ABHD2: variants seen among roughly 807,000 people sequenced by gnomAD.
ABHD2 encodes the protein monoacylglycerol lipase ABHD2.
In ABHD2, 20 loss-of-function variants were observed where a neutral mutation model predicts 48.1. The ratio of observed to expected loss-of-function variants is 0.42; its 90% CI spans 0.29 to 0.60. The LOEUF (loss-of-function observed/expected upper bound fraction) is 0.60, where lower values mean the gene tolerates loss of function less well. Among genes scored for constraint, ABHD2 ranks in the 20% least tolerant of loss-of-function variants. ABHD2 has a pLI of 0.24. For missense variants in ABHD2, 405 were observed against 550.9 expected (o/e 0.74, Z 2.65); for synonymous variants, 209 against 214.2 (o/e 0.98, Z 0.21).
At chr15:89,126,227 C>G (rs1248691047) in intron 3 of ABHD2, among the ~76,000 whole-genome samples, 1 of 152,186 alleles carries the variant, frequency 6.6e-6, no homozygotes, top group Non-Finnish European at 1.5e-5. Flanking sequence ...GGCCTTGGCT[C>G]CACGTGTAAG....
intron 5 of ABHD2, among the ~76,000 whole-genome samples, chr15:89,170,817 A>C (rs1205851340): frequency 6.6e-6 from 1 of 152,152 alleles, no homozygotes; most frequent in Non-Finnish European, 1.5e-5. Flanking sequence ...TTCGAGCTGC[A>C]CTTTTAAAAG....
At chr15:89,069,909 G>T in the ABHD2 span, among the ~76,000 whole-genome samples, 2 of 151,850 alleles carry the variant, frequency 1.3e-5, no homozygotes, top group African/African-American at 4.8e-5. Context: ...TGAACTCCTG[G>T]CCTCAAGTGA....
At chr15:89,192,179 G>A (rs1266789720) in intron 9 of ABHD2, among the ~76,000 whole-genome samples, 6 of 152,170 alleles carry the variant, frequency 3.9e-5, no homozygotes, top group Non-Finnish European at 8.8e-5. Flanking sequence ...GGCTAAAGCA[G>A]ATCACTGGAA....
rs956707952 is a variant in ABHD2 at position 89,146,474 on chromosome 15, C to G, written c.195-5203C>G. Among the ~76,000 whole-genome samples, 5 of 151,062 alleles carry G rather than the reference C, an allele frequency of 3.3e-5. No homozygotes were observed. Among genetic ancestry groups the G allele is most frequent in the African/African-American group, 4.9e-5 (2 of 41,084 alleles). On this transcript the variant is annotated intron_variant, in intron 3 of 10. Coordinates refer to ENST00000352732, the MANE Select transcript of ABHD2 (RefSeq NM_152924.5). This position sits in a 1 kb window ranked among gnomAD's most constrained non-coding sequence, Gnocchi z 4.2. ...CCCACTGACCAATTCTCTTAGTAAG[C>G]CAGATGTCGATTATAAATAGGCTCA...
Position 89,166,983 on chromosome 15 carries a change from C to T in ABHD2, c.539-8829C>T, listed in dbSNP as rs765194266. Among the ~76,000 whole-genome samples, 16 of 152,086 alleles carry T rather than the reference C, an allele frequency of 1.1e-4. No homozygotes were observed. The highest frequency in any genetic ancestry group is 3.6e-4 in the African/African-American group (15 of 41,384). ...GAGTAAAAAGGGACTTTATTAATAA[C>T]GTTATAATAATTCATAACTTTATTA... On this transcript the variant is annotated intron_variant, in intron 5 of 10. Transcript: ENST00000352732. This position sits in a 1 kb window ranked among gnomAD's most constrained non-coding sequence, Gnocchi z 4.6.
chr15:89,155,678 T>A lies in ABHD2; in HGVS notation c.538+144T>A. ...TCACACGGTTATATCAACAGCCAAC[T>A]TGTACTGGGCATTGATGATGCCATG... On this transcript the variant is annotated intron_variant, in intron 5 of 10. Coordinates refer to ENST00000352732, the MANE Select transcript of ABHD2 (RefSeq NM_152924.5). This position sits in a 1 kb window ranked among gnomAD's most constrained non-coding sequence, Gnocchi z 4.9. The A allele has an allele frequency of 9.7e-7, 1 of 1,036,076 alleles. No homozygotes were observed. Among genetic ancestry groups the A allele is most frequent in the Non-Finnish European group, 1.4e-6 (1 of 724,688 alleles). 64.2% of individuals were successfully genotyped at this position (1,036,076 alleles called of 1,614,324 possible). A position where few individuals can be genotyped will look rare whatever the true frequency, so the allele number is the denominator to read the frequency against.
chr15:89,046,053 T>C, the ABHD2 span, among the ~76,000 whole-genome samples: 1 of 152,226 alleles, frequency 6.6e-6, no homozygotes, highest in East Asian at 1.9e-4. Context: ...TAGCTCTTAT[T>C]ATTTTGAAAT....
rs1458119801 is a variant in ABHD2, at chr15:89,094,268, G to C, written c.-107+5705G>C. On this transcript the variant is annotated intron_variant, in intron 1 of 10. Transcript: ENST00000352732. This position sits in a 1 kb window ranked among gnomAD's most constrained non-coding sequence, Gnocchi z 4.7. Reference sequence around the variant, plus strand: ...GCCTCTCATTTTATCTTGGATAAAAGAGAAGCTTTGAAAGATTGCCTCCCT... The same window carrying C: ...GCCTCTCATTTTATCTTGGATAAAACAGAAGCTTTGAAAGATTGCCTCCCT... The C allele has an allele frequency of 6.6e-6, 1 of 152,176 alleles. No individual in the cohort carries two copies. Among genetic ancestry groups the C allele is most frequent in the African/African-American group, 2.4e-5 (1 of 41,430 alleles). The allele number at this position is 152,176 out of a possible 1,614,324, so 9.4% of individuals were successfully genotyped here. A position where few individuals can be genotyped will look rare whatever the true frequency, so the allele number is the denominator to read the frequency against.
intron 10 of ABHD2, among the ~76,000 whole-genome samples, chr15:89,194,108 TA>T (rs1390332283): frequency 1.3e-5 from 2 of 151,826 alleles, no homozygotes; most frequent in African/African-American, 2.4e-5. Flanking sequence ...AAATAAATAG[TA>T]AAAAATAAAA....
chr15:89,193,820 C>T (rs533320847), intron 10 of ABHD2, among the ~76,000 whole-genome samples: 143 of 151,458 alleles, frequency 9.4e-4, no homozygotes, highest in Non-Finnish European at 1.9e-3. Context: ...CATGGGGAGG[C>T]TGAGGCAGGA....
Position 89,175,722 on chromosome 15 carries a change from C to T in ABHD2, c.539-90C>T. On this transcript the variant is annotated intron_variant, in intron 5 of 10. Transcript: ENST00000352732. This position sits in a 1 kb window ranked among gnomAD's most constrained non-coding sequence, Gnocchi z 5.7. ...ATATATTTCTCTCTCTTTTAGTATA[C>T]TGGCACCCATTTAGTAACGTTCCAG... The T allele has an allele frequency of 7.3e-7, 1 of 1,367,766 alleles. No individual in the cohort carries two copies. The highest frequency in any genetic ancestry group is 1.0e-6 in the Non-Finnish European group (1 of 963,884). 84.7% of individuals were successfully genotyped at this position (1,367,766 alleles called of 1,614,324 possible).
rs2049714715 is a variant in ABHD2 at position 89,102,385 on chromosome 15, T to C, written c.-106-11340T>C. 6.6e-6 allele frequency: 1 copy of C among 152,238 alleles called. No individual in the cohort carries two copies. Among genetic ancestry groups the C allele is most frequent in the Admixed American group, 6.5e-5 (1 of 15,286 alleles). 9.4% of individuals were successfully genotyped at this position (152,238 alleles called of 1,614,324 possible). ...GATGCTGTGTATCATACTTCTTTCATAGCCCCCACAGAGGTTAGAGTGATG... is the reference window on the plus strand; with the variant it reads ...GATGCTGTGTATCATACTTCTTTCACAGCCCCCACAGAGGTTAGAGTGATG... On this transcript the variant is annotated intron_variant, in intron 1 of 10. Coordinates refer to ENST00000352732, the MANE Select transcript of ABHD2 (RefSeq NM_152924.5). This position sits in a 1 kb window ranked among gnomAD's most constrained non-coding sequence, Gnocchi z 4.8.
intron 6 of ABHD2, among the ~76,000 whole-genome samples, chr15:89,181,546 T>A (rs1725292271): frequency 6.6e-6 from 1 of 152,206 alleles, no homozygotes; most frequent in Non-Finnish European, 1.5e-5. Context: ...AGGTCATGCT[T>A]GCCCATCCCA....
Position 89,167,507 on chromosome 15 carries a change from A to G in ABHD2, c.539-8305A>G, listed in dbSNP as rs1190830891. On this transcript the variant is annotated intron_variant, in intron 5 of 10. Transcript: ENST00000352732. The surrounding 1 kb of genome is among the most constrained non-coding windows in gnomAD (Gnocchi z 5.5). Reference sequence around the variant, plus strand: ...GTCAGGGAGTCATATCCAAAGCAGAACAGTGGCCAAGAGTGGTGAGTTCTG... The same window carrying G: ...GTCAGGGAGTCATATCCAAAGCAGAGCAGTGGCCAAGAGTGGTGAGTTCTG... 6.6e-6 allele frequency among the ~76,000 whole-genome samples: 1 copy of G among 152,184 alleles called. No individual in the cohort carries two copies. The highest frequency in any genetic ancestry group is 1.5e-5 in the Non-Finnish European group (1 of 68,030).
chr15:89,051,087 G>T, the ABHD2 span, among the ~76,000 whole-genome samples: 3 of 152,256 alleles, frequency 2.0e-5, no homozygotes, highest in Admixed American at 6.5e-5. Context: ...ACAAAAATTA[G>T]CTGGGCGTGG....
chr15:89,170,880 G>A (rs2050915240), intron 5 of ABHD2, among the ~76,000 whole-genome samples: 1 of 152,202 alleles, frequency 6.6e-6, no homozygotes, highest in African/African-American at 2.4e-5. Flanking sequence ...CACTTTGGGA[G>A]GCCGAGGGGG....
chr15:89,134,060 G>A (rs547727839), intron 3 of ABHD2, among the ~76,000 whole-genome samples: 2 of 152,050 alleles, frequency 1.3e-5, no homozygotes, highest in Admixed American at 6.6e-5. Flanking sequence ...GGATGGCCTC[G>A]ATCTCCTGAC....
the ABHD2 span, among the ~76,000 whole-genome samples, chr15:89,044,554 C>T: frequency 6.5e-3 from 989 of 151,878 alleles, 18 homozygotes; most frequent in African/African-American, 0.023. Context: ...TCCACATCCT[C>T]TCCAGCACCT....
intron 3 of ABHD2, among the ~76,000 whole-genome samples, chr15:89,123,348 G>T (rs2050081155): frequency 6.6e-6 from 1 of 152,158 alleles, no homozygotes; most frequent in Non-Finnish European, 1.5e-5. Flanking sequence ...CAATTGGAAT[G>T]CTGTTCTCAT....
Sources: allele counts gnomAD v4.1 joint callset (sites outside exome capture counted in the v4.1 genomes callset), GRCh38; gene constraint gnomAD v4.1.1; non-coding constraint Gnocchi (gnomAD v3.1); transcripts MANE v1.5; gene names NCBI Gene and HGNC (gene_info 2026-07-23, HGNC 2026-07-21).